PPFIA3: variants seen among roughly 807,000 people sequenced by gnomAD.
PPFIA3 encodes the protein liprin-alpha-3.
Under a neutral mutation model 145.8 loss-of-function variants are expected in PPFIA3, and 26 were observed. The ratio of observed to expected loss-of-function variants is 0.18; its 90% confidence interval spans 0.13 to 0.25. The LOEUF is 0.25. Among genes scored for constraint, PPFIA3 ranks in the 10% least tolerant of loss-of-function variants. The pLI, the probability that PPFIA3 is intolerant of heterozygous loss-of-function variation, is 1.00. For missense variants in PPFIA3, 1,008 were observed against 1,587.8 expected (o/e 0.63, Z 6.21); for synonymous variants, 645 against 661.4 (o/e 0.98, Z 0.38).
chr19:49,119,899 A>G (rs2040913189), intron 1 of PPFIA3, among the ~76,000 whole-genome samples, 177 bp downstream of exon 1: 2 of 150,226 alleles, frequency 1.3e-5, no homozygotes, highest in South Asian at 4.2e-4. Context: ...AGAGTCCCCG[A>G]CCGAACCCTA....
At position 49,135,008 on chromosome 19, in the gene PPFIA3, G is replaced by A. The variant is rs950721120; in HGVS notation, c.1520+93G>A. The A allele has an allele frequency of 1.7e-4, 183 of 1,091,762 alleles. 1 individual carries two copies. The highest frequency in any genetic ancestry group is 2.2e-4 in the Non-Finnish European group (174 of 777,472). 67.6% of individuals were successfully genotyped at this position (1,091,762 alleles called of 1,614,324 possible). A position where few individuals can be genotyped will look rare whatever the true frequency, so the allele number is the denominator to read the frequency against. Reference sequence around the variant, plus strand: ...TCTGATCCCCACTTCCTGTCCTCCTGAGACTTCTGACCCCTCTGTTTTTGT... The same window carrying A: ...TCTGATCCCCACTTCCTGTCCTCCTAAGACTTCTGACCCCTCTGTTTTTGT... On this transcript the variant is annotated intron_variant, in intron 13 of 29. Coordinates refer to ENST00000334186, the MANE Select transcript of PPFIA3 (RefSeq NM_003660.4).
intron 13 of PPFIA3, among the ~76,000 whole-genome samples, chr19:49,135,204 G>C (rs2041124322): frequency 6.6e-6 from 1 of 151,924 alleles, no homozygotes; most frequent in Non-Finnish European, 1.5e-5. Flanking sequence ...ACCACAGCCG[G>C]CTAATTTTTG....
rs771093523 is a variant in PPFIA3, at chr19:49,133,412, G to C, written c.1161+41G>C. On this transcript the variant is annotated intron_variant, in intron 9 of 29. Transcript: ENST00000334186. This position sits in a 1 kb window ranked among gnomAD's most constrained non-coding sequence, Gnocchi z 7.2. ...GGGTCGGGGCCTTGCGTGGGGAAGG[G>C]GTGGGGCCTAGAGGAGGCGGGGCCG... The C allele has an allele frequency of 3.2e-6, 5 of 1,554,042 alleles. No individual in the cohort carries two copies. The highest frequency in any genetic ancestry group is 1.9e-5 in the Admixed American group (1 of 51,904).
chr19:49,133,483 G>GA lies in PPFIA3; in HGVS notation c.1161+115dup, dbSNP rs967201853. The GA allele has an allele frequency of 2.6e-4, 325 of 1,263,588 alleles. No homozygotes were observed. The highest frequency in any genetic ancestry group is 3.3e-4 in the Non-Finnish European group (309 of 946,162). 78.3% of individuals were successfully genotyped at this position (1,263,588 alleles called of 1,614,324 possible). ...CGAGGTCAGAACCCCGGATTTGGGG[G>GA]AAAGGGTGGGGCCTAGGGGCTGGGA... On this transcript the variant is annotated intron_variant, in intron 9 of 29. Transcript: ENST00000334186. This position sits in a 1 kb window ranked among gnomAD's most constrained non-coding sequence, Gnocchi z 7.2.
At position 49,128,874 on chromosome 19, in the gene PPFIA3, G is replaced by A. The variant is rs1040932216; in HGVS notation, c.369G>A (p.Leu123=). Residue 123 remains leucine (L), a synonymous_variant, in exon 4 of 30, where the codon CTG becomes CTA. Transcript: ENST00000334186. The surrounding 1 kb of genome is among the most constrained non-coding windows in gnomAD (Gnocchi z 4.1). ...TRLLLEHLEC[L]VSRHERSLRM... ...TGCTCCTGGAACACCTGGAGTGCCT[G>A]GTGTCCAGGCACGAGAGGTCACTGC... The A allele has an allele frequency of 1.9e-6, 3 of 1,608,370 alleles. No homozygotes were observed. Among genetic ancestry groups the A allele is most frequent in the Non-Finnish European group, 2.5e-6 (3 of 1,177,362 alleles).
At chr19:49,144,364 G>GTGACT (rs2041257432) in intron 21 of PPFIA3, among the ~76,000 whole-genome samples, 1 of 152,160 alleles carries the variant, frequency 6.6e-6, no homozygotes, top group Non-Finnish European at 1.5e-5. Flanking sequence ...CATTTTGTTT[G>GTGACT]TGACTTGTCA....
intron 25 of PPFIA3, 94 bp from the exon 26 acceptor site, chr19:49,148,899 G>C (rs1157751284): frequency 6.3e-7 from 1 of 1,577,448 alleles, no homozygotes; most frequent in African/African-American, 1.3e-5. Context: ...TGGGGGGCGT[G>C]GCCCGAAGAG....
At chr19:49,123,705 A>G (rs1413090213) in intron 1 of PPFIA3, among the ~76,000 whole-genome samples, 2 of 151,692 alleles carry the variant, frequency 1.3e-5, no homozygotes, top group African/African-American at 4.8e-5. Context: ...GCCTCCCAAA[A>G]TGCTGGGATT....
chr19:49,132,512 G>C (rs2041088588), intron 7 of PPFIA3, among the ~76,000 whole-genome samples: 1 of 150,614 alleles, frequency 6.6e-6, no homozygotes, highest in South Asian at 2.1e-4. Context: ...TGGGCTACCA[G>C]ATGAGGGTCC....
rs551077987 is a variant in PPFIA3, at chr19:49,135,573, C to T, written c.1521-206C>T. ...ATTTTTAGTAGAGACAGGGCTTCAC[C>T]AGGTTGGCCTGGTCTCAAACTCCTG... On this transcript the variant is annotated intron_variant, in intron 13 of 29. Transcript: ENST00000334186. 3.3e-5 allele frequency among the ~76,000 whole-genome samples: 5 copies of T among 151,816 alleles called. No homozygotes were observed. In the East Asian group the frequency reaches 9.8e-4, roughly 30 times the overall value.
chr19:49,125,331 T>C (rs1282443495), intron 1 of PPFIA3: 5 of 152,310 alleles, frequency 3.3e-5, no homozygotes, highest in Admixed American at 6.5e-5. Flanking sequence ...GGCTGGGAAT[T>C]ATCCACGCTC....
At position 49,134,627 on chromosome 19, in the gene PPFIA3, C is replaced by A; in HGVS notation, c.1378-12C>A. 1 of 1,613,304 alleles carries A rather than the reference C, an allele frequency of 6.2e-7. No homozygotes were observed. Among genetic ancestry groups the A allele is most frequent in the South Asian group, 1.1e-5 (1 of 91,026 alleles). On this transcript the variant is annotated splice_polypyrimidine_tract_variant and intron_variant, in intron 11 of 29. Coordinates refer to ENST00000334186, the MANE Select transcript of PPFIA3 (RefSeq NM_003660.4). The stretch of plus-strand genomic sequence containing the variant: ...CAGGCCTCACTCCCTCACTTCACCT[C>A]TGTCTCCACAGAACTCCCTGAGCGA...
rs575735972 is a variant in PPFIA3 at position 49,142,785 on chromosome 19, C to T, written c.2545-19C>T. ...CTCTGTCCCTCTGTCCCCTCTGTCC[C>T]TCTGTCCCTCCGCTGCAGCTGTGGG... On this transcript the variant is annotated intron_variant, in intron 20 of 29. Transcript: ENST00000334186. 3.1e-6 allele frequency: 5 copies of T among 1,611,144 alleles called. No homozygotes were observed. The South Asian group carries it at 4.4e-5, about 14-fold the overall frequency.
At chr19:49,129,698 C>T (rs2041045906) in intron 5 of PPFIA3, among the ~76,000 whole-genome samples, 1 of 152,148 alleles carries the variant, frequency 6.6e-6, no homozygotes, top group Non-Finnish European at 1.5e-5. Context: ...GGGGCTGGGG[C>T]TCAGGCTGGG....
rs1411190905 is a variant in PPFIA3, at chr19:49,150,326, G to C, written c.*104G>C. 6.0e-6 allele frequency: 4 copies of C among 663,578 alleles called. No homozygotes were observed. The highest frequency in any genetic ancestry group is 7.5e-6 in the Non-Finnish European group (3 of 398,474). 41.1% of individuals were successfully genotyped at this position (663,578 alleles called of 1,614,324 possible). A position where few individuals can be genotyped will look rare whatever the true frequency, so the allele number is the denominator to read the frequency against. ...GCCTCGCCGGGGAGAGCGGGCGGGG[G>C]AGCTCGCGCCGAGGACTGGACCATC... is the stretch of plus-strand genomic sequence containing the variant. On this transcript the variant is annotated 3_prime_UTR_variant, in exon 30 of 30. Coordinates refer to ENST00000334186, the MANE Select transcript of PPFIA3 (RefSeq NM_003660.4).
At chr19:49,124,375 G>A (rs1321321823) in intron 1 of PPFIA3, among the ~76,000 whole-genome samples, 1 of 152,012 alleles carries the variant, frequency 6.6e-6, no homozygotes, top group Non-Finnish European at 1.5e-5. Flanking sequence ...TATATTCTGT[G>A]TTATACCTTC....
At chr19:49,141,936 C>A in intron 19 of PPFIA3, 98 bp from the exon 20 acceptor site, 1 of 747,082 alleles carries the variant, frequency 1.3e-6, no homozygotes, top group Non-Finnish European at 2.0e-6. Context: ...TGCGTATGTG[C>A]ATGTGTGTGT....
At chr19:49,126,323 A>G (rs2040998100) in intron 1 of PPFIA3, among the ~76,000 whole-genome samples, 1 of 148,616 alleles carries the variant, frequency 6.7e-6, no homozygotes, top group Admixed American at 6.7e-5. Context: ...ATCTCGGCTC[A>G]CTCTAACCTC....
chr19:49,131,479 G>C (rs868684522), intron 7 of PPFIA3, among the ~76,000 whole-genome samples: 4 of 151,624 alleles, frequency 2.6e-5, no homozygotes, highest in Admixed American at 2.6e-4. Context: ...ACTGCGTCCA[G>C]CCTCTAAATG....
Sources: allele counts gnomAD v4.1 joint callset (sites outside exome capture counted in the v4.1 genomes callset), GRCh38; gene constraint gnomAD v4.1.1; non-coding constraint Gnocchi (gnomAD v3.1); transcripts MANE v1.5; gene names NCBI Gene and HGNC (gene_info 2026-07-23, HGNC 2026-07-21).